The following ZDBF2 variants were observed in gnomAD, a reference collection of about 807,000 sequenced individuals.
ZDBF2 encodes DBF4-type zinc finger-containing protein 2.
ZDBF2 carries 6 observed loss-of-function variants against 9.4 expected under a neutral mutation model. That is an observed-to-expected ratio of 0.64 (90% confidence interval 0.35 to 1.27). The LOEUF is 1.27. Ranked by LOEUF, ZDBF2 falls within the 50% of genes most tolerant of loss-of-function variation. The pLI is 0.03. For synonymous variants in ZDBF2, 905 were observed against 946.3 expected (o/e 0.96, Z 0.80); for missense variants, 2,697 against 2,766.8 (o/e 0.97, Z 0.57).
At position 206,306,336 on chromosome 2, in the gene ZDBF2, G is replaced by T; in HGVS notation, c.1808G>T (p.Arg603Ile). The T allele has an allele frequency of 3.1e-6, 5 of 1,613,726 alleles. No individual in the cohort carries two copies. The highest frequency in any genetic ancestry group is 4.2e-6 in the Non-Finnish European group (5 of 1,179,794). Residue 603 changes from arginine (R) to isoleucine (I), a missense_variant, in exon 5 of 5, where the codon AGA (arginine) becomes ATA (isoleucine). Around this residue, in one of 3 missense-constraint regions of ZDBF2, gnomAD observed 910 missense variants for 973.6 expected, o/e 0.93. Coordinates refer to ENST00000374423, the MANE Select transcript of ZDBF2 (RefSeq NM_020923.3). ...VDHPQLTVKG[R>I]NLKGRQVHLK... is the part of the protein sequence containing the mutation. Reference sequence around the variant, plus strand: ...CATCCCCAACTGACTGTCAAAGGAAGAAACCTGAAAGGTAGACAAGTCCAC... The same window carrying T: ...CATCCCCAACTGACTGTCAAAGGAATAAACCTGAAAGGTAGACAAGTCCAC...
rs372971489 is a variant in ZDBF2 at position 206,308,140 on chromosome 2, T to A, written c.3612T>A (p.Asp1204Glu). Residue 1204 changes from aspartate to glutamate, a missense_variant, in exon 5 of 5, where the codon GAT (aspartate) becomes GAA (glutamate). Transcript: ENST00000374423. Reference protein sequence around the residue: ...CCGSEVSFDSDDPLQSVADRL... With the variant: ...CCGSEVSFDSEDPLQSVADRL... ...GTTCTGAAGTAAGTTTTGATTCTGATGACCCTCTTCAGTCAGTGGCTGACC... is the reference window on the plus strand; with the variant it reads ...GTTCTGAAGTAAGTTTTGATTCTGAAGACCCTCTTCAGTCAGTGGCTGACC... 3.1e-6 allele frequency: 5 copies of A among 1,613,856 alleles called. No homozygotes were observed. The African/African-American group carries it at 6.7e-5, about 22-fold the overall frequency.
chr2:206,294,369 C>T (rs936251783), intron 3 of ZDBF2, among the ~76,000 whole-genome samples: 1 of 152,120 alleles, frequency 6.6e-6, no homozygotes, highest in Non-Finnish European at 1.5e-5. Context: ...TACATCAATT[C>T]AAAAAATCTA....
intron 4 of ZDBF2, 86 bp downstream of exon 4, chr2:206,297,459 T>A: frequency 8.1e-7 from 1 of 1,230,520 alleles, no homozygotes; most frequent in East Asian, 2.6e-5. Context: ...ATACTTTAAG[T>A]GAATCTTTGA....
chr2:206,278,488 C>T (rs531196032), intron 1 of ZDBF2, among the ~76,000 whole-genome samples: 2 of 152,302 alleles, frequency 1.3e-5, no homozygotes, highest in African/African-American at 2.4e-5. Context: ...AAAAAAACTT[C>T]CACAGTGCCT....
At chr2:206,277,304 A>T (rs2105890381) in intron 1 of ZDBF2, among the ~76,000 whole-genome samples, 1 of 150,376 alleles carries the variant, frequency 6.6e-6, no homozygotes, top group African/African-American at 2.4e-5. Flanking sequence ...TGCAAGAAAT[A>T]TTTCTTTAAA....
At chr2:206,289,134 C>T (rs971283620) in intron 3 of ZDBF2, among the ~76,000 whole-genome samples, 1 of 152,124 alleles carries the variant, frequency 6.6e-6, no homozygotes, top group Non-Finnish European at 1.5e-5. Context: ...ACATGAGGTA[C>T]TCAGCCCTGG....
In ZDBF2 at chr2:206,311,716, A is replaced by G. The variant is rs963599058; in HGVS notation, c.*123A>G. 9.6e-7 allele frequency: 1 copy of G among 1,044,920 alleles called. No homozygotes were observed. The highest frequency in any genetic ancestry group is 1.7e-5 in the African/African-American group (1 of 60,404). 64.7% of individuals were successfully genotyped at this position (1,044,920 alleles called of 1,614,324 possible). On this transcript the variant is annotated 3_prime_UTR_variant, in exon 5 of 5. Coordinates refer to ENST00000374423, the MANE Select transcript of ZDBF2 (RefSeq NM_020923.3). Reference sequence around the variant, plus strand: ...ACTAATCTTGAACTATTTTGCTATAAATATTATTTTTCAGAATTTTTATAT... The same window carrying G: ...ACTAATCTTGAACTATTTTGCTATAGATATTATTTTTCAGAATTTTTATAT...
At position 206,305,799 on chromosome 2, in the gene ZDBF2, G is replaced by A. The variant is rs777382375; in HGVS notation, c.1271G>A (p.Ser424Asn). The A allele has an allele frequency of 1.2e-6, 2 of 1,613,684 alleles. No individual in the cohort carries two copies. Among genetic ancestry groups the A allele is most frequent in the Admixed American group, 3.3e-5 (2 of 60,012 alleles). The change falls in exon 5 of 5, where the codon AGT (serine) becomes AAT (asparagine). Residue 424 changes from serine (S) to asparagine (N), a missense_variant. This residue lies in a region of ZDBF2 where 910 missense variants were observed against 973.6 expected (regional missense o/e 0.93). Coordinates refer to ENST00000374423, the MANE Select transcript of ZDBF2 (RefSeq NM_020923.3). The stretch of plus-strand genomic sequence containing the variant: ...TCACTGACTGACCAATCTAAAGTGA[G>A]TGCCAAAGAAGTAAACCTTTCCAAG... ...FHSLTDQSKV[S>N]AKEVNLSKEV...
At chr2:206,287,720 TAA>T (rs932569576) in intron 3 of ZDBF2, among the ~76,000 whole-genome samples, 1 of 152,218 alleles carries the variant, frequency 6.6e-6, no homozygotes, top group African/African-American at 2.4e-5. Context: ...TGGTGTCCCA[TAA>T]GTCTTGTAGG....
In ZDBF2 at chr2:206,309,509, A is replaced by G; in HGVS notation, c.4981A>G (p.Asn1661Asp). The change falls in exon 5 of 5, where the codon AAT (asparagine) becomes GAT (aspartate). Residue 1661 changes from asparagine (N) to aspartate (D), a missense_variant. Transcript: ENST00000374423. ...IDSEDKSCGYNGSKGKFNLED... is the reference protein window; with the variant it reads ...IDSEDKSCGYDGSKGKFNLED... ...TTCAGAAGATAAGAGCTGTGGATAT[A>G]ATGGTTCTAAAGGAAAATTTAATTT... 6.2e-7 allele frequency: 1 copy of G among 1,613,970 alleles called. No individual in the cohort carries two copies. Among genetic ancestry groups the G allele is most frequent in the Non-Finnish European group, 8.5e-7 (1 of 1,179,888 alleles).
At position 206,309,075 on chromosome 2, in the gene ZDBF2, C is replaced by T; in HGVS notation, c.4547C>T (p.Ser1516Leu). 1 of 1,613,858 alleles carries T rather than the reference C, an allele frequency of 6.2e-7. No homozygotes were observed. Among genetic ancestry groups the T allele is most frequent in the South Asian group, 1.1e-5 (1 of 91,034 alleles). The change falls in exon 5 of 5, where the codon TCA (serine) becomes TTA (leucine). Residue 1516 changes from serine to leucine, a missense_variant. Transcript: ENST00000374423. ...ATAGTAGTTAACCAATTTCCAGGAT[C>T]AGTCAAAGAAACCCACCTTCCAAAG... ...FQIVVNQFPG[S>L]VKETHLPKVV...
At position 206,281,926 on chromosome 2, in the gene ZDBF2, A is replaced by T; in HGVS notation, c.60+17A>T. 6.2e-7 allele frequency: 1 copy of T among 1,602,974 alleles called. No individual in the cohort carries two copies. ...CTGGAACAGGTGAGCGGTTTCTATT[A>T]ATATGATAATATCTCAAAGGACCTA... On this transcript the variant is annotated intron_variant, in intron 3 of 4. Transcript: ENST00000374423.
chr2:206,298,281 C>T (rs879587692), intron 4 of ZDBF2, among the ~76,000 whole-genome samples: 1 of 152,132 alleles, frequency 6.6e-6, no homozygotes, highest in Non-Finnish European at 1.5e-5. Context: ...GTTTGTAGCT[C>T]CCGCTGTACA....
intron 1 of ZDBF2, among the ~76,000 whole-genome samples, chr2:206,275,928 TAG>T (rs1690975997): frequency 6.6e-6 from 1 of 152,194 alleles, no homozygotes; most frequent in South Asian, 2.1e-4. Context: ...AGCAACTCGT[TAG>T]AGAGTTGATA....
intron 3 of ZDBF2, among the ~76,000 whole-genome samples, chr2:206,296,608 G>A (rs546936292): frequency 2.6e-4 from 39 of 152,282 alleles, no homozygotes; most frequent in Middle Eastern, 3.4e-3. Context: ...CAAATTCCCT[G>A]CGGATAATAG....
chr2:206,295,721 G>A (rs1692138786), intron 3 of ZDBF2, among the ~76,000 whole-genome samples: 1 of 151,902 alleles, frequency 6.6e-6, no homozygotes, highest in Non-Finnish European at 1.5e-5. Flanking sequence ...GCTAAATGGG[G>A]ACGATATTCT....
In ZDBF2 at chr2:206,310,893, C is replaced by A; in HGVS notation, c.6365C>A (p.Thr2122Asn). Residue 2122 changes from threonine (T) to asparagine (N), a missense_variant, in exon 5 of 5, where the codon ACC (threonine) becomes AAC (asparagine). Physicochemically the swap from Thr to Asn is moderately conservative, Grantham distance 65. This residue lies in a region of ZDBF2 where 1,783 missense variants were observed against 1,776.5 expected (regional missense o/e 1.00). Coordinates refer to ENST00000374423, the MANE Select transcript of ZDBF2 (RefSeq NM_020923.3). ...ARYGFNSHQG[T>N]SDSSLFLEES... The stretch of plus-strand genomic sequence containing the variant: ...TATGGATTTAATTCACATCAGGGAA[C>A]CAGTGACTCTTCTCTGTTTCTGGAA... 2 of 1,613,886 alleles carry A rather than the reference C, an allele frequency of 1.2e-6. No homozygotes were observed. Among genetic ancestry groups the A allele is most frequent in the South Asian group, 2.2e-5 (2 of 91,058 alleles).
chr2:206,281,832 T>C lies in ZDBF2; in HGVS notation c.-18T>C. On this transcript the variant is annotated 5_prime_UTR_variant, in exon 3 of 5. Coordinates refer to ENST00000374423, the MANE Select transcript of ZDBF2 (RefSeq NM_020923.3). Reference sequence around the variant, plus strand: ...TATTCAAAGACAGTAGCCATCTGACTTCAGTTATTTATTCAAGATGCAGAA... The same window carrying C: ...TATTCAAAGACAGTAGCCATCTGACCTCAGTTATTTATTCAAGATGCAGAA... The C allele has an allele frequency of 6.2e-7, 1 of 1,611,762 alleles. No homozygotes were observed. Among genetic ancestry groups the C allele is most frequent in the Non-Finnish European group, 8.5e-7 (1 of 1,179,040 alleles).
chr2:206,300,050 G>A (rs975485052), intron 4 of ZDBF2, among the ~76,000 whole-genome samples: 9 of 151,862 alleles, frequency 5.9e-5, no homozygotes, highest in East Asian at 3.9e-4. Flanking sequence ...CGGAGGTTGC[G>A]GTGAGCTGAG....
Sources: gnomAD v4.1 joint callset for allele counts (sites outside exome capture counted in the v4.1 genomes callset) on GRCh38, gnomAD v4.1.1 for gene constraint, gnomAD v4.1.1 regional missense constraint, MANE v1.5 for transcripts, NCBI Gene and HGNC (gene_info 2026-07-23, HGNC 2026-07-21) for gene names.